The following PRKCH variants were observed in gnomAD, a reference collection of about 807,000 sequenced individuals.
The protein encoded by PRKCH is protein kinase C eta.
In PRKCH, 28 loss-of-function variants were observed where a neutral mutation model predicts 82.5. The ratio of observed to expected loss-of-function variants is 0.34; its 90% CI spans 0.25 to 0.47. PRKCH has a LOEUF of 0.47. Among genes scored for constraint, PRKCH ranks in the 20% least tolerant of loss-of-function variants. The pLI is 1.00. For missense variants in PRKCH, 705 were observed against 881.8 expected (o/e 0.80, Z 2.54); for synonymous variants, 322 against 327.4 (o/e 0.98, Z 0.18).
chr14:61,493,757 G>A (rs527295197), intron 10 of PRKCH, among the ~76,000 whole-genome samples: 1 of 152,070 alleles, frequency 6.6e-6, no homozygotes, highest in East Asian at 1.9e-4. Context: ...CCCATGGTAA[G>A]CAGCAGCCAG....
chr14:61,494,057 G>C (rs1203326965), intron 10 of PRKCH, among the ~76,000 whole-genome samples: 1 of 152,198 alleles, frequency 6.6e-6, no homozygotes, highest in African/African-American at 2.4e-5. Flanking sequence ...TAGAAAGGTT[G>C]TATGACAGGT....
At chr14:61,437,101 A>G (rs978706254) in intron 2 of PRKCH, among the ~76,000 whole-genome samples, 1 of 152,240 alleles carries the variant, frequency 6.6e-6, no homozygotes, top group Non-Finnish European at 1.5e-5. Flanking sequence ...TTTCAAGTAT[A>G]TAAAACCAGG....
At chr14:61,522,158 C>T (rs1327693424) in intron 10 of PRKCH, among the ~76,000 whole-genome samples, 3 of 152,178 alleles carry the variant, frequency 2.0e-5, no homozygotes, top group Non-Finnish European at 4.4e-5. Context: ...CCTTCCATTG[C>T]TAAATCCCAT....
intron 10 of PRKCH, among the ~76,000 whole-genome samples, chr14:61,528,320 A>G (rs1432211733): frequency 6.6e-6 from 1 of 151,916 alleles, no homozygotes; most frequent in Non-Finnish European, 1.5e-5. Context: ...CAGCCTCCCA[A>G]GTATGTGGGA....
At chr14:61,246,969 G>A (rs542843102) in intron 1 of PRKCH, among the ~76,000 whole-genome samples, 2 of 152,208 alleles carry the variant, frequency 1.3e-5, no homozygotes, top group South Asian at 2.1e-4. Flanking sequence ...TCTCCCAATG[G>A]TTATTTGAGA....
chr14:61,236,922 A>G (rs945261361), intron 1 of PRKCH, among the ~76,000 whole-genome samples: 4 of 152,144 alleles, frequency 2.6e-5, no homozygotes, highest in Admixed American at 6.5e-5. Context: ...TCATCAAGGA[A>G]TAACCATAAA....
intron 2 of PRKCH, among the ~76,000 whole-genome samples, chr14:61,395,007 G>A (rs1384271151): frequency 6.6e-6 from 1 of 152,100 alleles, no homozygotes; most frequent in Non-Finnish European, 1.5e-5. Context: ...ATTCCTCTTA[G>A]GTGTGTTTGC....
chr14:61,352,675 A>G (rs1351955507), intron 1 of PRKCH, among the ~76,000 whole-genome samples: 2 of 139,544 alleles, frequency 1.4e-5, no homozygotes, highest in African/African-American at 5.4e-5. Flanking sequence ...AGAGAGAGAG[A>G]GAGAGAAAGG....
intron 1 of PRKCH, among the ~76,000 whole-genome samples, chr14:61,325,582 A>G (rs1341741557): frequency 6.6e-6 from 1 of 152,166 alleles, no homozygotes; most frequent in East Asian, 1.9e-4. Flanking sequence ...AGCGTACAAA[A>G]GGCACCAACT....
At chr14:61,254,868 G>A (rs557833402) in intron 1 of PRKCH, among the ~76,000 whole-genome samples, 23 of 152,264 alleles carry the variant, frequency 1.5e-4, no homozygotes, top group South Asian at 1.0e-3. Context: ...GACCAGCATC[G>A]CCAAACCATC....
chr14:61,388,147 C>CAAA (rs569642184), intron 1 of PRKCH, among the ~76,000 whole-genome samples: 33 of 87,834 alleles, frequency 3.8e-4, no homozygotes, highest in Admixed American at 4.9e-4. Flanking sequence ...GACTCTGTCT[C>CAAA]AAAAAAAAAA....
chr14:61,540,217 C>T (rs78248603), intron 12 of PRKCH, among the ~76,000 whole-genome samples: 2,196 of 152,302 alleles, frequency 0.014, 52 homozygotes, highest in African/African-American at 0.049. Flanking sequence ...CAGCCCTTCT[C>T]CTTCCATAGA....
At chr14:61,258,074 A>T (rs1451963464) in intron 1 of PRKCH, among the ~76,000 whole-genome samples, 1 of 152,172 alleles carries the variant, frequency 6.6e-6, no homozygotes, top group Non-Finnish European at 1.5e-5. Flanking sequence ...TTAGCCACCT[A>T]ATTAATTTTC....
At chr14:61,488,972 A>T (rs1228246683) in intron 10 of PRKCH, among the ~76,000 whole-genome samples, 1 of 152,210 alleles carries the variant, frequency 6.6e-6, no homozygotes, top group Non-Finnish European at 1.5e-5. Context: ...GTTAATTAGG[A>T]TAGATTCAAA....
chr14:61,510,115 G>C (rs1210666855), intron 10 of PRKCH, among the ~76,000 whole-genome samples: 1 of 152,096 alleles, frequency 6.6e-6, no homozygotes, highest in Non-Finnish European at 1.5e-5. Context: ...ATGAGGACTC[G>C]GTATGATCAG....
intron 1 of PRKCH, among the ~76,000 whole-genome samples, chr14:61,232,340 C>T (rs2044751474): frequency 6.6e-6 from 1 of 152,224 alleles, no homozygotes; most frequent in African/African-American, 2.4e-5. Flanking sequence ...ATTCTTGTGC[C>T]TCAGCCTACT....
At chr14:61,437,727 G>C (rs1228738513) in intron 2 of PRKCH, among the ~76,000 whole-genome samples, 1 of 151,924 alleles carries the variant, frequency 6.6e-6, no homozygotes, top group Non-Finnish European at 1.5e-5. Context: ...TGTGTCTCGG[G>C]GTACATTAAC....
rs1411803758 is a variant in PRKCH, at chr14:61,280,870, G to A, written c.-19+93202G>A. Reference sequence around the variant, plus strand: ...GGGCAGCGAGAAGTACCAGGCGCACGAGCAGGGGGGCGGCAGCGCCCGGCC... The same window carrying A: ...GGGCAGCGAGAAGTACCAGGCGCACAAGCAGGGGGGCGGCAGCGCCCGGCC... On this transcript the variant is annotated intron_variant, in intron 1 of 3. Transcript: ENST00000555185. This position sits in a 1 kb window ranked among gnomAD's most constrained non-coding sequence, Gnocchi z 5.0. 6.4e-7 allele frequency: 1 copy of A among 1,566,378 alleles called. No homozygotes were observed. Among genetic ancestry groups the A allele is most frequent in the Non-Finnish European group, 8.6e-7 (1 of 1,164,036 alleles).
intron 9 of PRKCH, among the ~76,000 whole-genome samples, chr14:61,461,488 C>T (rs535306841): frequency 2.0e-5 from 3 of 152,284 alleles, no homozygotes; most frequent in African/African-American, 7.2e-5. Context: ...CTTCCTAGGG[C>T]CTGAGCCAAA....
Sources: allele counts gnomAD v4.1 joint callset (sites outside exome capture counted in the v4.1 genomes callset), GRCh38; gene constraint gnomAD v4.1.1; non-coding constraint Gnocchi (gnomAD v3.1); transcripts MANE v1.5; gene names NCBI Gene and HGNC (gene_info 2026-07-23, HGNC 2026-07-21).